CCDC80: variants seen among roughly 807,000 people sequenced by gnomAD.
The protein encoded by CCDC80 is coiled-coil domain containing 80, also known as coiled-coil domain-containing protein 80.
Under a neutral mutation model 78.7 loss-of-function variants are expected in CCDC80, and 49 were observed. That is an observed-to-expected ratio of 0.62 (90% CI 0.50 to 0.79). The LOEUF (loss-of-function observed/expected upper bound fraction) is 0.79, where lower values mean the gene tolerates loss of function less well. CCDC80 is among the 30% of genes least tolerant of loss of function. The pLI, the probability that CCDC80 is intolerant of heterozygous loss-of-function variation, is 0.00. For missense variants in CCDC80, 1,205 were observed against 1,198.6 expected, an observed-to-expected ratio of 1.01 and a Z score of -0.08; for synonymous variants, 488 against 447.0, an observed-to-expected ratio of 1.09 and a Z score of -1.16.
intron 2 of CCDC80, among the ~76,000 whole-genome samples, chr3:112,637,348 T>A (rs756883503): frequency 1.1e-4 from 16 of 152,322 alleles, no homozygotes; most frequent in Non-Finnish European, 2.1e-4. Context: ...AGTAGCTGGA[T>A]AGAAATGGGA....
At chr3:112,616,989 T>C in intron 4 of CCDC80, 131 bp from the exon 5 acceptor site, 1 of 887,548 alleles carries the variant, frequency 1.1e-6, no homozygotes, top group Non-Finnish European at 1.7e-6. Flanking sequence ...GAAGATTCAT[T>C]GCTTCATAAA....
At position 112,638,013 on chromosome 3, in the gene CCDC80, G is replaced by C; in HGVS notation, c.1878+15C>G. Reference sequence around the variant, plus strand: ...CCTCAGCCCATAGAAGAATGCCAAGGAGAAGGCTACTTACAAGGAGTCTTC... The same window carrying C: ...CCTCAGCCCATAGAAGAATGCCAAGCAGAAGGCTACTTACAAGGAGTCTTC... On this transcript the variant is annotated intron_variant, in intron 2 of 7. Transcript: ENST00000206423. 1 of 1,580,786 alleles carries C rather than the reference G, an allele frequency of 6.3e-7. No individual in the cohort carries two copies. The highest frequency in any genetic ancestry group is 2.2e-5 in the East Asian group (1 of 44,704).
At chr3:112,639,958 A>G in intron 1 of CCDC80, 42 bp from the exon 2 acceptor site, 3 of 1,546,418 alleles carry the variant, frequency 1.9e-6, no homozygotes, top group Non-Finnish European at 2.6e-6. Flanking sequence ...GGGAGGGGGA[A>G]AAAAGAAAGA....
chr3:112,624,255 TGCA>T (rs1391682009), intron 3 of CCDC80, among the ~76,000 whole-genome samples: 3 of 152,216 alleles, frequency 2.0e-5, no homozygotes, highest in African/African-American at 7.2e-5. Flanking sequence ...TGGTTTTGCA[TGCA>T]TTAGGTCTTT....
intron 2 of CCDC80, among the ~76,000 whole-genome samples, chr3:112,637,240 A>G (rs1936224989): frequency 6.6e-6 from 1 of 152,210 alleles, no homozygotes. Context: ...GCCCCCGGAG[A>G]AACTGACATC....
intron 3 of CCDC80, among the ~76,000 whole-genome samples, chr3:112,626,037 C>T (rs895098115): frequency 6.6e-6 from 1 of 152,164 alleles, no homozygotes; most frequent in Non-Finnish European, 1.5e-5. Context: ...GCCAATCCCT[C>T]CACTACATTC....
At chr3:112,614,588 T>TGG (rs1935694591) in intron 5 of CCDC80, among the ~76,000 whole-genome samples, 1 of 151,872 alleles carries the variant, frequency 6.6e-6, no homozygotes, top group Non-Finnish European at 1.5e-5. Context: ...ACGGCTGAGT[T>TGG]GATTTTAAGT....
rs1491339603 is a variant in CCDC80 at position 112,601,695 on chromosome 3, AAG to A, written c.*3720_*3721del. 8 of 26,974 alleles carry A rather than the reference AAG, an allele frequency of 3.0e-4. No homozygotes were observed. The highest frequency in any genetic ancestry group is 4.2e-4 in the African/African-American group (5 of 11,960). The allele number at this position is 26,974 out of a possible 1,614,324, so 1.7% of individuals were successfully genotyped here. On this transcript the variant is annotated 3_prime_UTR_variant, in exon 8 of 8. Coordinates refer to ENST00000206423, the MANE Select transcript of CCDC80 (RefSeq NM_199511.3). ...CCCTCTCCAAAAAAAGAAAAAAAAA[AAG>A]AGAAAAAAAAGAAGCAGCAGCAACG...
chr3:112,613,659 T>G (rs781072484), intron 5 of CCDC80, among the ~76,000 whole-genome samples: 4 of 152,150 alleles, frequency 2.6e-5, no homozygotes, highest in Non-Finnish European at 5.9e-5. Context: ...GAAGAATCTC[T>G]GAGGATGTCT....
chr3:112,640,490 C>A lies in CCDC80; in HGVS notation c.-175G>T, dbSNP rs1212252362. ...TGCTGCAGCTCCAGCTTTCAGAGTA[C>A]CGCCACAGATCCACAGCCTGTCCTG... On this transcript the variant is annotated 5_prime_UTR_variant, in exon 1 of 8. Coordinates refer to ENST00000206423, the MANE Select transcript of CCDC80 (RefSeq NM_199511.3). 6.4e-6 allele frequency: 1 copy of A among 155,234 alleles called. No homozygotes were observed. The highest frequency in any genetic ancestry group is 2.4e-5 in the African/African-American group (1 of 41,462). The allele number at this position is 155,234 out of a possible 1,614,324, so 9.6% of individuals were successfully genotyped here.
chr3:112,638,982 G>A lies in CCDC80; in HGVS notation c.924C>T (p.Ser308=), dbSNP rs1158440173. 3.7e-6 allele frequency: 6 copies of A among 1,611,674 alleles called. No individual in the cohort carries two copies. The highest frequency in any genetic ancestry group is 5.1e-6 in the Non-Finnish European group (6 of 1,179,960). ...TCCTTGGGTCCTCTTTCTTCTTCTC[G>A]CTGCCCAGGCTTGGCCTTCCTGCTC... is the stretch of plus-strand genomic sequence containing the variant. ...GGGAGRPSLG[S]EKKKEDPRRA... Residue 308 remains serine (S), a synonymous_variant, in exon 2 of 8, where the codon AGC becomes AGT. Coordinates refer to ENST00000206423, the MANE Select transcript of CCDC80 (RefSeq NM_199511.3).
chr3:112,623,537 TG>T (rs1935909333), intron 3 of CCDC80, among the ~76,000 whole-genome samples: 1 of 152,032 alleles, frequency 6.6e-6, no homozygotes, highest in African/African-American at 2.4e-5. Context: ...TCACCAGGAG[TG>T]CTTGTTAAAA....
rs564068533 is a variant in CCDC80, at chr3:112,620,184, G to A, written c.2036-1080C>T. Among the ~76,000 whole-genome samples, 25 of 152,232 alleles carry A rather than the reference G, an allele frequency of 1.6e-4. No homozygotes were observed. The South Asian group carries it at 2.1e-3, about 13-fold the overall frequency. On this transcript the variant is annotated intron_variant, in intron 3 of 7. Transcript: ENST00000206423. ...GACATTACTCTTCATTAATAAAAAG[G>A]GGATGATTACAATTTAACTGTTACT...
At position 112,639,476 on chromosome 3, in the gene CCDC80, T is replaced by A. The variant is rs779066673; in HGVS notation, c.430A>T (p.Ser144Cys). ...SGSSSPNILA[S>C]FAGKNRVWVI... Reference sequence around the variant, plus strand: ...CATACTCTGTTCTTCCCTGCAAAGCTGGCAAGGATGTTGGGAGAGCTGGAC... The same window carrying A: ...CATACTCTGTTCTTCCCTGCAAAGCAGGCAAGGATGTTGGGAGAGCTGGAC... The change falls in exon 2 of 8, where the codon AGC (serine) becomes TGC (cysteine). Residue 144 changes from serine (S) to cysteine (C), a missense_variant. Ser to Cys is a moderately radical substitution (Grantham distance 112). Transcript: ENST00000206423. The A allele has an allele frequency of 7.9e-5, 128 of 1,614,068 alleles. No homozygotes were observed. The South Asian group carries it at 1.4e-3, about 17-fold the overall frequency.
rs538000519 is a variant in CCDC80 at position 112,619,034 on chromosome 3, C to G, written c.2106G>C (p.Arg702Ser). The change falls in exon 4 of 8, where the codon AGG (arginine) becomes AGC (serine). Residue 702 changes from arginine to serine, a missense_variant. Transcript: ENST00000206423. ...CATTGTAGGTCATTCCGTACTCTTT[C>G]CTCAGCTCGCTGATGAGACGCTGGT... ...LVDQRLISEL[R>S]KEYGMTYNDF... 3.7e-6 allele frequency: 6 copies of G among 1,611,896 alleles called. No individual in the cohort carries two copies. In the East Asian group the frequency reaches 1.3e-4, roughly 36 times the overall value.
chr3:112,631,814 A>G (rs775367983), intron 2 of CCDC80, among the ~76,000 whole-genome samples: 3 of 152,198 alleles, frequency 2.0e-5, no homozygotes, highest in Non-Finnish European at 4.4e-5. Context: ...CTCTCCCTCA[A>G]GGAAATTAAA....
intron 6 of CCDC80, among the ~76,000 whole-genome samples, chr3:112,607,761 G>C (rs1287529434): frequency 2.6e-5 from 4 of 152,176 alleles, no homozygotes; most frequent in African/African-American, 7.2e-5. Flanking sequence ...ACTCCAGCTT[G>C]GGTGACAGAG....
rs1218279830 is a variant in CCDC80, at chr3:112,604,883, C to T, written c.*534G>A. On this transcript the variant is annotated 3_prime_UTR_variant, in exon 8 of 8. Transcript: ENST00000206423. ...GGCTTTTGTGGCCAATATTACTGGA[C>T]TCCCGTGGTATCAAGTTTCATAAAA... 1 of 152,198 alleles carries T rather than the reference C, an allele frequency of 6.6e-6. No homozygotes were observed. The highest frequency in any genetic ancestry group is 6.5e-5 in the Admixed American group (1 of 15,282). 9.4% of individuals were successfully genotyped at this position (152,198 alleles called of 1,614,324 possible). A position where few individuals can be genotyped will look rare whatever the true frequency, so the allele number is the denominator to read the frequency against.
chr3:112,609,572 T>C (rs1935583710), intron 6 of CCDC80, among the ~76,000 whole-genome samples: 1 of 152,156 alleles, frequency 6.6e-6, no homozygotes, highest in Non-Finnish European at 1.5e-5. Context: ...CCCAGAGCCA[T>C]TCCTATTTTA....
Sources: gnomAD v4.1 joint callset for allele counts (sites outside exome capture counted in the v4.1 genomes callset) on GRCh38, gnomAD v4.1.1 for gene constraint, MANE v1.5 for transcripts, NCBI Gene and HGNC (gene_info 2026-07-23, HGNC 2026-07-21) for gene names.